The following NSD2 variants were observed in gnomAD, a reference collection of about 807,000 sequenced individuals.
The protein encoded by NSD2 is nuclear receptor binding SET domain protein 2.
In NSD2, 12 loss-of-function variants were observed where a neutral mutation model predicts 139.0. That is an observed-to-expected ratio of 0.09 (90% CI 0.06 to 0.14). The LOEUF is 0.14. NSD2 is among the 10% of genes least tolerant of loss of function. NSD2 has a pLI of 1.00. For missense variants in NSD2, 1,155 were observed against 1,745.0 expected (o/e 0.66, Z 6.02); for synonymous variants, 669 against 648.7 (o/e 1.03, Z -0.48).
At chr4:1,922,865 G>T (rs967571880) in intron 5 of NSD2, among the ~76,000 whole-genome samples, 2 of 152,208 alleles carry the variant, frequency 1.3e-5, no homozygotes, top group Non-Finnish European at 2.9e-5. Context: ...GGCGGAGGTT[G>T]CAGTGAGCTG....
At position 1,918,316 on chromosome 4, in the gene NSD2, A is replaced by C; in HGVS notation, c.1103A>C (p.Glu368Ala). The stretch of plus-strand genomic sequence containing the variant: ...GCCAAGGAGGCTGGCATTGCTGCAG[A>C]GTCTTTGGGAGAAATGGCAGAATCC... The part of the protein sequence containing the change: ...QVAKEAGIAA[E>A]SLGEMAESSG... Residue 368 changes from glutamate to alanine, a missense_variant, in exon 5 of 22, where the codon GAG becomes GCG. Transcript: ENST00000508803. 1 of 1,614,066 alleles carries C rather than the reference A, an allele frequency of 6.2e-7. No individual in the cohort carries two copies. The highest frequency in any genetic ancestry group is 8.5e-7 in the Non-Finnish European group (1 of 1,180,024).
At chr4:1,971,509 T>A (rs1422676259) in intron 18 of NSD2, among the ~76,000 whole-genome samples, 4 of 151,904 alleles carry the variant, frequency 2.6e-5, no homozygotes, top group African/African-American at 9.7e-5. Context: ...GAGGAAGTGT[T>A]TAGAGACCAA....
At chr4:1,929,707 A>G (rs961738095) in intron 5 of NSD2, among the ~76,000 whole-genome samples, 3 of 152,146 alleles carry the variant, frequency 2.0e-5, no homozygotes, top group Admixed American at 2.0e-4. Flanking sequence ...CAGACATTGA[A>G]CAGAAACAGG....
Position 1,959,581 on chromosome 4 carries a change from T to C in NSD2, c.3096T>C (p.Cys1032=), listed in dbSNP as rs756269168. The stretch of plus-strand genomic sequence containing the variant: ...ATCCTTGTGGCTTTGATTCGGAGTG[T>C]CTGAACAGGATGCTGATGTTTGAGT... ...DENPCGFDSE[C]LNRMLMFECH... The change falls in exon 17 of 22, where the codon TGT becomes TGC. Residue 1032 remains cysteine, a synonymous_variant. Transcript: ENST00000508803. The C allele has an allele frequency of 3.7e-6, 6 of 1,614,146 alleles. No homozygotes were observed. The South Asian group carries it at 6.6e-5, about 18-fold the overall frequency.
chr4:1,944,874 T>G, intron 9 of NSD2: 1 of 1,063,264 alleles, frequency 9.4e-7, no homozygotes, highest in Non-Finnish European at 1.1e-6. Context: ...AGTGCTGTCT[T>G]GAGTATATAT....
At chr4:1,901,569 T>C (rs1460562089) in intron 2 of NSD2, among the ~76,000 whole-genome samples, 1 of 152,222 alleles carries the variant, frequency 6.6e-6, no homozygotes, top group Non-Finnish European at 1.5e-5. Context: ...GAGCCCTTGC[T>C]TGACAACGTC....
At chr4:1,934,116 G>A (rs925830433) in intron 6 of NSD2, among the ~76,000 whole-genome samples, 6 of 149,204 alleles carry the variant, frequency 4.0e-5, no homozygotes, top group Admixed American at 2.0e-4. Flanking sequence ...ACAGAGTTTC[G>A]TTCTTGTTGC....
intron 1 of NSD2, among the ~76,000 whole-genome samples, chr4:1,898,499 C>T (rs1716686681): frequency 6.6e-6 from 1 of 151,814 alleles, no homozygotes; most frequent in Admixed American, 6.6e-5. Context: ...CCCGTCTCTA[C>T]TAAAAATACA....
At position 1,976,329 on chromosome 4, in the gene NSD2, C is replaced by T. The variant is rs1227891996; in HGVS notation, c.3622-146C>T. The T allele has an allele frequency of 1.4e-5, 12 of 829,658 alleles. No homozygotes were observed. The highest frequency in any genetic ancestry group is 2.7e-5 in the East Asian group (1 of 37,430). 51.4% of individuals were successfully genotyped at this position (829,658 alleles called of 1,614,324 possible). A position where few individuals can be genotyped will look rare whatever the true frequency, so the allele number is the denominator to read the frequency against. ...TGAGTCTAAGGATGTCTGGGGAGCA[C>T]GAGGAGGACACTCCTCTCCTCTCCT... On this transcript the variant is annotated intron_variant, in intron 20 of 21. Transcript: ENST00000508803. This position sits in a 1 kb window ranked among gnomAD's most constrained non-coding sequence, Gnocchi z 5.3.
At chr4:1,925,309 A>G (rs765103395) in intron 5 of NSD2, among the ~76,000 whole-genome samples, 9 of 147,450 alleles carry the variant, frequency 6.1e-5, no homozygotes, top group Non-Finnish European at 1.2e-4. Context: ...TTCCTTTTCT[A>G]GGGTCCCTAG....
rs1719695568 is a variant in NSD2 at position 1,918,433 on chromosome 4, G to A, written c.1220G>A (p.Ser407Asn). The stretch of plus-strand genomic sequence containing the variant: ...AGAAGGCGGAGGGCCAAACTGTGTA[G>A]CTCTGCAGAGACCCTGGAGAGTCAC... ...MKRRRRAKLC[S>N]SAETLESHPD... The change falls in exon 5 of 22, where the codon AGC (serine) becomes AAC (asparagine). Residue 407 changes from serine to asparagine, a missense_variant. Physicochemically the swap from Ser to Asn is conservative, Grantham distance 46. Around this residue, in one of 8 missense-constraint regions of NSD2, gnomAD observed 420 missense variants for 469.0 expected, o/e 0.90. Coordinates refer to ENST00000508803, the MANE Select transcript of NSD2 (RefSeq NM_001042424.3). The A allele has an allele frequency of 1.2e-6, 2 of 1,614,012 alleles. No homozygotes were observed. The highest frequency in any genetic ancestry group is 2.7e-5 in the African/African-American group (2 of 74,928).
chr4:1,978,334 C>A (rs999560124), intron 21 of NSD2, among the ~76,000 whole-genome samples: 47 of 152,118 alleles, frequency 3.1e-4, no homozygotes, highest in Admixed American at 2.2e-3. Flanking sequence ...CACAGCAGCC[C>A]CTGCCTGTCC....
chr4:1,970,553 C>G (rs1356484378), intron 18 of NSD2, among the ~76,000 whole-genome samples: 1 of 152,032 alleles, frequency 6.6e-6, no homozygotes, highest in African/African-American at 2.4e-5. Flanking sequence ...AGAATGTTGC[C>G]CCCACCAGAA....
chr4:1,878,286 T>G (rs9799374), intron 1 of NSD2, among the ~76,000 whole-genome samples: 4 of 119,536 alleles, frequency 3.3e-5, no homozygotes, highest in Non-Finnish European at 7.0e-5. Context: ...TTTTTTTTTG[T>G]ATTTTTAGTA....
chr4:1,961,342 C>T (rs1272655534), intron 18 of NSD2, among the ~76,000 whole-genome samples, 191 bp downstream of exon 18: 1 of 152,200 alleles, frequency 6.6e-6, no homozygotes, highest in East Asian at 1.9e-4. Flanking sequence ...TAGAGCTAAC[C>T]ACCTCTCAGC....
At chr4:1,938,696 C>G (rs562845144) in intron 8 of NSD2, among the ~76,000 whole-genome samples, 164 bp downstream of exon 8, 1 of 152,110 alleles carries the variant, frequency 6.6e-6, no homozygotes, top group African/African-American at 2.4e-5. Context: ...AAAGGAGGTT[C>G]TCCTGTGGTT....
intron 9 of NSD2, chr4:1,946,725 T>TA: frequency 9.6e-7 from 1 of 1,044,680 alleles, no homozygotes; most frequent in South Asian, 4.6e-5. Context: ...AAATTGACTG[T>TA]AATTAGCAGG....
intron 1 of NSD2, among the ~76,000 whole-genome samples, chr4:1,882,619 G>C (rs187809533): frequency 2.0e-5 from 3 of 152,092 alleles, no homozygotes; most frequent in African/African-American, 7.2e-5. Flanking sequence ...AGCTGAGATC[G>C]CGCCACTGCA....
chr4:1,896,053 G>A (rs1366895949), intron 1 of NSD2, among the ~76,000 whole-genome samples: 1 of 152,246 alleles, frequency 6.6e-6, no homozygotes, highest in Non-Finnish European at 1.5e-5. Flanking sequence ...TCAGGACATG[G>A]AGTGAGGATG....
Sources: allele counts gnomAD v4.1 joint callset (sites outside exome capture counted in the v4.1 genomes callset), GRCh38; gene constraint gnomAD v4.1.1; regional missense constraint gnomAD v4.1.1; non-coding constraint Gnocchi (gnomAD v3.1); transcripts MANE v1.5; gene names NCBI Gene and HGNC (gene_info 2026-07-23, HGNC 2026-07-21).